RAB11FIP4: variants seen among roughly 807,000 people sequenced by gnomAD.
RAB11FIP4 encodes RAB11 family interacting protein 4, also known as rab11 family-interacting protein 4.
RAB11FIP4 carries 23 observed loss-of-function variants against 74.3 expected under a neutral mutation model. That is an observed-to-expected ratio of 0.31 (90% CI 0.22 to 0.44). RAB11FIP4 has a LOEUF of 0.44. Ranked by LOEUF, RAB11FIP4 falls within the 20% of genes least tolerant of loss-of-function variation. RAB11FIP4 has a pLI of 1.00. For synonymous variants in RAB11FIP4, 360 were observed against 359.9 expected (o/e 1.00, Z 0.00); for missense variants, 630 against 863.9 (o/e 0.73, Z 3.39).
intron 1 of RAB11FIP4, among the ~76,000 whole-genome samples, chr17:31,425,051 C>A (rs2071234736): frequency 6.6e-6 from 1 of 152,182 alleles, no homozygotes; most frequent in Non-Finnish European, 1.5e-5. Context: ...ATAATAATTA[C>A]TGGCTAAGGG....
intron 3 of RAB11FIP4, among the ~76,000 whole-genome samples, chr17:31,462,055 A>G (rs1004237504): frequency 3.9e-5 from 6 of 152,212 alleles, no homozygotes; most frequent in African/African-American, 1.2e-4. Flanking sequence ...TGAGGTCAGG[A>G]GTTCGAGACC....
intron 3 of RAB11FIP4, among the ~76,000 whole-genome samples, chr17:31,483,980 G>T (rs1447472244): frequency 2.6e-5 from 4 of 152,054 alleles, no homozygotes; most frequent in Admixed American, 2.6e-4. Context: ...AAGCTGAGGT[G>T]GGGGGATTGC....
chr17:31,437,500 C>T (rs1000811866), intron 3 of RAB11FIP4, among the ~76,000 whole-genome samples: 7 of 152,116 alleles, frequency 4.6e-5, no homozygotes, highest in East Asian at 1.9e-4. Flanking sequence ...TGGATCACTA[C>T]GTAGGCTTCC....
At position 31,533,189 on chromosome 17, in the gene RAB11FIP4, T is replaced by G. The variant is rs972934999; in HGVS notation, c.*1457T>G. ...GGGTGAGGAGAGGGGATCTGGGGAC[T>G]TGGGTGTGACACCTGCTTGACAGAG... On this transcript the variant is annotated 3_prime_UTR_variant, in exon 15 of 15. Transcript: ENST00000621161. 5.3e-5 allele frequency: 8 copies of G among 152,208 alleles called. No homozygotes were observed. The highest frequency in any genetic ancestry group is 1.9e-4 in the African/African-American group (8 of 41,424). 9.4% of individuals were successfully genotyped at this position (152,208 alleles called of 1,614,324 possible).
chr17:31,510,207 G>C (rs2072426137), intron 3 of RAB11FIP4, among the ~76,000 whole-genome samples: 1 of 152,184 alleles, frequency 6.6e-6, no homozygotes, highest in African/African-American at 2.4e-5. Flanking sequence ...TGAATTTCCT[G>C]CTGCCCATAG....
chr17:31,502,095 G>T (rs566729324), intron 3 of RAB11FIP4, among the ~76,000 whole-genome samples: 1 of 152,010 alleles, frequency 6.6e-6, no homozygotes, highest in East Asian at 1.9e-4. Flanking sequence ...GTGGTGGTGG[G>T]CACCTGTAAT....
intron 1 of RAB11FIP4, among the ~76,000 whole-genome samples, chr17:31,419,268 CT>C (rs1455022479): frequency 2.7e-5 from 4 of 146,652 alleles, no homozygotes; most frequent in African/African-American, 1.0e-4. Flanking sequence ...TATATTTCTA[CT>C]TTGTTGAGAG....
At chr17:31,424,554 C>T (rs986296180) in intron 1 of RAB11FIP4, among the ~76,000 whole-genome samples, 6 of 150,556 alleles carry the variant, frequency 4.0e-5, no homozygotes, top group Admixed American at 1.3e-4. Context: ...GGACTACAGG[C>T]GCGCACCACC....
intron 10 of RAB11FIP4, 73 bp from the exon 11 acceptor site, chr17:31,527,769 C>T: frequency 1.8e-6 from 2 of 1,113,694 alleles, no homozygotes; most frequent in East Asian, 2.5e-5. Flanking sequence ...CAGAGAATCA[C>T]TGCAGACTGG....
chr17:31,477,755 A>G (rs1399913477), intron 3 of RAB11FIP4, among the ~76,000 whole-genome samples: 1 of 152,184 alleles, frequency 6.6e-6, no homozygotes, highest in Non-Finnish European at 1.5e-5. Context: ...TCTTTTTTAC[A>G]TAGGATAACG....
chr17:31,511,187 G>C (rs1437801646), intron 3 of RAB11FIP4, among the ~76,000 whole-genome samples: 1 of 152,192 alleles, frequency 6.6e-6, no homozygotes, highest in East Asian at 1.9e-4. Context: ...TGAAGCTGCA[G>C]AGCTCATGAA....
intron 3 of RAB11FIP4, among the ~76,000 whole-genome samples, chr17:31,445,552 ATATATATATATATATATATATATATATTT>A (rs1430719906): frequency 0.22 from 8,537 of 38,566 alleles, 945 homozygotes; most frequent in South Asian, 0.32. Flanking sequence ...ATATATATAT[ATATATATATATATATATATATATATATTT>A]TTTTTTTTTT....
At chr17:31,517,193 G>GGGC (rs1555549977) in intron 3 of RAB11FIP4, among the ~76,000 whole-genome samples, 1 of 56,446 alleles carries the variant, frequency 1.8e-5, no homozygotes, top group Non-Finnish European at 3.1e-5. Flanking sequence ...AGGCGGTGCG[G>GGGC]GGGGGGGGGC....
rs370128653 is a variant in RAB11FIP4, at chr17:31,503,967, T to C, written c.337-13684T>C. ...GGCATATGAAAGGTGCTCAACATCA[T>C]TGATCATCAGAGAAATGCAAATGAA... On this transcript the variant is annotated intron_variant, in intron 3 of 14. Coordinates refer to ENST00000621161, the MANE Select transcript of RAB11FIP4 (RefSeq NM_032932.6). Among the ~76,000 whole-genome samples the C allele has an allele frequency of 2.5e-4, 38 of 149,702 alleles. 5 individuals carry two copies. Among genetic ancestry groups the C allele is most frequent in the African/African-American group, 9.0e-4 (35 of 39,082 alleles).
intron 3 of RAB11FIP4, chr17:31,488,251 C>T (rs897430511): frequency 2.6e-6 from 3 of 1,166,972 alleles, no homozygotes; most frequent in African/African-American, 1.6e-5. Flanking sequence ...GGATGCGCAC[C>T]CCGCCAGCTC....
rs531014454 is a variant in RAB11FIP4 at position 31,411,235 on chromosome 17, G to A, written c.159+19224G>A. Among the ~76,000 whole-genome samples the A allele has an allele frequency of 2.6e-5, 4 of 152,278 alleles. No individual in the cohort carries two copies. The East Asian group carries it at 7.7e-4, about 29-fold the overall frequency. ...AAAAATTAGCCAGGCGTGATGGCGG[G>A]CGCCTGTAGTCCCAGCTACTCTGGA... On this transcript the variant is annotated intron_variant, in intron 1 of 14. Coordinates refer to ENST00000621161, the MANE Select transcript of RAB11FIP4 (RefSeq NM_032932.6).
In RAB11FIP4 at chr17:31,451,894, G is replaced by GT. The variant is rs527647061; in HGVS notation, c.336+17779dup. On this transcript the variant is annotated intron_variant, in intron 3 of 14. Transcript: ENST00000621161. ...GAGTATGCACCACTGTTAGCTGCAT[G>GT]TTTTTTTAATGGCTGTGTAATAGTG... Among the ~76,000 whole-genome samples, 9 of 151,628 alleles carry GT rather than the reference G, an allele frequency of 5.9e-5. No homozygotes were observed. In the South Asian group the frequency reaches 8.3e-4, roughly 14 times the overall value.
intron 3 of RAB11FIP4, among the ~76,000 whole-genome samples, chr17:31,444,232 G>C (rs536673901): frequency 6.6e-6 from 1 of 152,134 alleles, no homozygotes; most frequent in East Asian, 1.9e-4. Flanking sequence ...TGTGCTGGTG[G>C]AGGTGTGGGT....
intron 1 of RAB11FIP4, among the ~76,000 whole-genome samples, chr17:31,424,576 A>ATT (rs71142050): frequency 0.15 from 18,713 of 124,452 alleles, 2,143 homozygotes; most frequent in African/African-American, 0.3. Context: ...CACCCAGCTA[A>ATT]TTTTTTTTTT....
Sources: allele counts gnomAD v4.1 joint callset (sites outside exome capture counted in the v4.1 genomes callset), GRCh38; gene constraint gnomAD v4.1.1; transcripts MANE v1.5; gene names NCBI Gene and HGNC (gene_info 2026-07-23, HGNC 2026-07-21).